The following CABP7 variants were observed in gnomAD, a reference collection of about 807,000 sequenced individuals.
CABP7 encodes the protein calcium-binding protein 7.
Under a neutral mutation model 23.1 loss-of-function variants are expected in CABP7, and 13 were observed. The observed-to-expected ratio is 0.56, with a 90% CI of 0.37 to 0.90. The LOEUF (loss-of-function observed/expected upper bound fraction) is 0.90. Ranked by LOEUF, CABP7 falls within the 40% of genes least tolerant of loss-of-function variation. The pLI is 0.01. For missense variants in CABP7, 248 were observed against 295.6 expected (o/e 0.84, Z 1.18); for synonymous variants, 123 against 115.3 (o/e 1.07, Z -0.43).
At chr22:29,726,693 G>A (rs906877177) in intron 1 of CABP7, among the ~76,000 whole-genome samples, 5 of 152,214 alleles carry the variant, frequency 3.3e-5, no homozygotes, top group Admixed American at 2.0e-4. Context: ...CCAGGTGGCT[G>A]GCAAGCAAAC....
intron 1 of CABP7, among the ~76,000 whole-genome samples, chr22:29,724,982 C>G (rs1248363021): frequency 6.6e-6 from 1 of 152,190 alleles, no homozygotes; most frequent in Non-Finnish European, 1.5e-5. Flanking sequence ...TGACCTGGAG[C>G]TCAGCTCACA....
At position 29,731,179 on chromosome 22, in the gene CABP7, C is replaced by T; in HGVS notation, c.*1610C>T. 1 of 1,453,616 alleles carries T rather than the reference C, an allele frequency of 6.9e-7. No homozygotes were observed. Among genetic ancestry groups the T allele is most frequent in the Non-Finnish European group, 9.0e-7 (1 of 1,110,314 alleles). 90.0% of individuals were successfully genotyped at this position (1,453,616 alleles called of 1,614,324 possible). On this transcript the variant is annotated 3_prime_UTR_variant, in exon 5 of 5. Transcript: ENST00000216144. ...AACCGGGCTTGGCTTCCTATTGTGACTGATGAGAAAAGTGACCACGTGGGG... is the reference window on the plus strand; with the variant it reads ...AACCGGGCTTGGCTTCCTATTGTGATTGATGAGAAAAGTGACCACGTGGGG...
At position 29,729,604 on chromosome 22, in the gene CABP7, G is replaced by A; in HGVS notation, c.*35G>A. The A allele has an allele frequency of 1.2e-6, 2 of 1,600,916 alleles. No homozygotes were observed. Among genetic ancestry groups the A allele is most frequent in the Non-Finnish European group, 1.7e-6 (2 of 1,178,290 alleles). On this transcript the variant is annotated 3_prime_UTR_variant, in exon 5 of 5. Transcript: ENST00000216144. ...GGATGCCCCATCCACCGCATGCGGT[G>A]CCCGTGGCCCGCCCCACACCACCGC...
rs1780132830 is a variant in CABP7, at chr22:29,729,602, G to A, written c.*33G>A. On this transcript the variant is annotated 3_prime_UTR_variant, in exon 5 of 5. Coordinates refer to ENST00000216144, the MANE Select transcript of CABP7 (RefSeq NM_182527.3). ...CTGGATGCCCCATCCACCGCATGCG[G>A]TGCCCGTGGCCCGCCCCACACCACC... is the stretch of plus-strand genomic sequence containing the variant. 2 of 1,602,344 alleles carry A rather than the reference G, an allele frequency of 1.2e-6. No individual in the cohort carries two copies. Among genetic ancestry groups the A allele is most frequent in the Admixed American group, 3.3e-5 (2 of 59,824 alleles).
chr22:29,728,584 G>A, intron 2 of CABP7, 46 bp from the exon 3 acceptor site: 1 of 1,285,856 alleles, frequency 7.8e-7, no homozygotes, highest in Non-Finnish European at 1.1e-6. Flanking sequence ...CTGGGCTGCA[G>A]GCCTGGGCCC....
chr22:29,728,393 G>C (rs918072250), intron 2 of CABP7, among the ~76,000 whole-genome samples: 3 of 152,166 alleles, frequency 2.0e-5, no homozygotes, highest in African/African-American at 7.2e-5. Flanking sequence ...CCCACCTGCT[G>C]TCTACCTCCA....
At chr22:29,722,823 G>A (rs1174360565) in intron 1 of CABP7, among the ~76,000 whole-genome samples, 3 of 152,266 alleles carry the variant, frequency 2.0e-5, no homozygotes, top group African/African-American at 7.2e-5. Context: ...AGGGAGCTGG[G>A]CAGCCCGGGA....
chr22:29,731,334 G>C lies in CABP7; in HGVS notation c.*1765G>C. On this transcript the variant is annotated 3_prime_UTR_variant, in exon 5 of 5. Coordinates refer to ENST00000216144, the MANE Select transcript of CABP7 (RefSeq NM_182527.3). ...CCAGCCCACGGGGTACTGGAAGACA[G>C]TGGTTCTGATGGGTTCAGCCCTAGA... 1 of 1,540,274 alleles carries C rather than the reference G, an allele frequency of 6.5e-7. No homozygotes were observed. Among genetic ancestry groups the C allele is most frequent in the Non-Finnish European group, 8.7e-7 (1 of 1,153,334 alleles).
At position 29,720,925 on chromosome 22, in the gene CABP7, G is replaced by C. The variant is rs1601705107; in HGVS notation, c.109+392G>C. On this transcript the variant is annotated intron_variant, in intron 1 of 4. Transcript: ENST00000216144. The surrounding 1 kb of genome is among the most constrained non-coding windows in gnomAD (Gnocchi z 5.2). ...CATCCTGATCCCCTCCGCGGCGCCC[G>C]CCCGCGGCTCTCTGCTCGCATTGAC... Among the ~76,000 whole-genome samples, 1 of 152,054 alleles carries C rather than the reference G, an allele frequency of 6.6e-6. No individual in the cohort carries two copies. Among genetic ancestry groups the C allele is most frequent in the Non-Finnish European group, 1.5e-5 (1 of 67,918 alleles).
chr22:29,724,836 C>T (rs528498791), intron 1 of CABP7, among the ~76,000 whole-genome samples: 11 of 152,332 alleles, frequency 7.2e-5, no homozygotes, highest in South Asian at 2.1e-4. Flanking sequence ...ATCGCCTGCC[C>T]GTGCATCCCA....
In CABP7 at chr22:29,729,653, C is replaced by A; in HGVS notation, c.*84C>A. On this transcript the variant is annotated 3_prime_UTR_variant, in exon 5 of 5. Transcript: ENST00000216144. Reference sequence around the variant, plus strand: ...GCCGCCTGCAGACCTCTCCCTTGGCCGGCTCCCTGGGCCGCCATCTGCGTG... The same window carrying A: ...GCCGCCTGCAGACCTCTCCCTTGGCAGGCTCCCTGGGCCGCCATCTGCGTG... 6.5e-7 allele frequency: 1 copy of A among 1,545,932 alleles called. No individual in the cohort carries two copies. Among genetic ancestry groups the A allele is most frequent in the South Asian group, 1.2e-5 (1 of 86,436 alleles).
chr22:29,727,870 G>T lies in CABP7; in HGVS notation c.253+65G>T. The T allele has an allele frequency of 6.4e-7, 1 of 1,554,850 alleles. No homozygotes were observed. Among genetic ancestry groups the T allele is most frequent in the East Asian group, 2.3e-5 (1 of 43,668 alleles). On this transcript the variant is annotated intron_variant, in intron 2 of 4. Transcript: ENST00000216144. This position sits in a 1 kb window ranked among gnomAD's most constrained non-coding sequence, Gnocchi z 4.2. ...GGGCCCTGGGGGTGGGGCAGGGGCT[G>T]GGGCCTGAGCTGCTGAGGCTGCATC...
chr22:29,729,589 TCCACCGCATGCGGTGCCC>T lies in CABP7; in HGVS notation c.*21_*38del. 1 of 1,606,208 alleles carries T rather than the reference TCCACCGCATGCGGTGCCC, an allele frequency of 6.2e-7. No individual in the cohort carries two copies. Among genetic ancestry groups the T allele is most frequent in the South Asian group, 1.1e-5 (1 of 91,054 alleles). On this transcript the variant is annotated 3_prime_UTR_variant, in exon 5 of 5. Transcript: ENST00000216144. Reference sequence around the variant, plus strand: ...AAGTAGACGCCACCTGGATGCCCCATCCACCGCATGCGGTGCCCGTGGCCCGCCCCACACCACCGCCGC... The same window carrying T: ...AAGTAGACGCCACCTGGATGCCCCATGTGGCCCGCCCCACACCACCGCCGC...
intron 1 of CABP7, among the ~76,000 whole-genome samples, chr22:29,722,700 C>G (rs1313297500): frequency 1.3e-5 from 2 of 152,270 alleles, no homozygotes; most frequent in African/African-American, 4.8e-5. Context: ...CCCCTCTGCC[C>G]TCTCCGCCTC....
intron 1 of CABP7, among the ~76,000 whole-genome samples, chr22:29,725,661 C>T (rs549814692): frequency 5.9e-5 from 9 of 152,130 alleles, no homozygotes; most frequent in East Asian, 1.9e-4. Flanking sequence ...GAGATGGTGC[C>T]GTTCAAGCTG....
At chr22:29,728,241 C>T (rs1416245375) in intron 2 of CABP7, among the ~76,000 whole-genome samples, 1 of 152,208 alleles carries the variant, frequency 6.6e-6, no homozygotes, top group African/African-American at 2.4e-5. Flanking sequence ...TCTTCTCCAT[C>T]CAGAGGCCAG....
At position 29,720,608 on chromosome 22, in the gene CABP7, CGGGGGCGGGGGGCGG is replaced by C; in HGVS notation, c.109+80_109+94del. 1 of 872,720 alleles carries C rather than the reference CGGGGGCGGGGGGCGG, an allele frequency of 1.1e-6. No homozygotes were observed. Among genetic ancestry groups the C allele is most frequent in the Non-Finnish European group, 1.6e-6 (1 of 622,320 alleles). 54.1% of individuals were successfully genotyped at this position (872,720 alleles called of 1,614,324 possible). A position where few individuals can be genotyped will look rare whatever the true frequency, so the allele number is the denominator to read the frequency against. ...CCAGGTGAAGCGCGGGCCAGGGGCG[CGGGGGCGGGGGGCGG>C]GGGGCGGTCCGCAGGTGCCGGTTGC... is the stretch of plus-strand genomic sequence containing the variant. On this transcript the variant is annotated intron_variant, in intron 1 of 4. Coordinates refer to ENST00000216144, the MANE Select transcript of CABP7 (RefSeq NM_182527.3). This position sits in a 1 kb window ranked among gnomAD's most constrained non-coding sequence, Gnocchi z 5.2.
Position 29,720,994 on chromosome 22 carries a change from A to C in CABP7, c.109+461A>C, listed in dbSNP as rs2067757785. ...TAAAAATTCAATCTGCTCGGGCAGC[A>C]GCAGAAGGGGAGAGGGCGACTGCCC... On this transcript the variant is annotated intron_variant, in intron 1 of 4. Coordinates refer to ENST00000216144, the MANE Select transcript of CABP7 (RefSeq NM_182527.3). The surrounding 1 kb of genome is among the most constrained non-coding windows in gnomAD (Gnocchi z 5.2). Among the ~76,000 whole-genome samples the C allele has an allele frequency of 6.6e-6, 1 of 152,094 alleles. No individual in the cohort carries two copies. Among genetic ancestry groups the C allele is most frequent in the Non-Finnish European group, 1.5e-5 (1 of 68,000 alleles).
intron 3 of CABP7, 135 bp downstream of exon 3, chr22:29,728,877 C>A: frequency 9.7e-7 from 1 of 1,029,054 alleles, no homozygotes; most frequent in South Asian, 1.5e-5. Context: ...TTTCACCTCT[C>A]AGAGGGCCAT....
Sources: allele counts gnomAD v4.1 joint callset (sites outside exome capture counted in the v4.1 genomes callset), GRCh38; gene constraint gnomAD v4.1.1; non-coding constraint Gnocchi (gnomAD v3.1); transcripts MANE v1.5; gene names NCBI Gene and HGNC (gene_info 2026-07-23, HGNC 2026-07-21).